HPSE2: variants seen among roughly 807,000 people sequenced by gnomAD.
HPSE2 encodes the protein inactive heparanase-2.
HPSE2 carries 38 observed loss-of-function variants against 60.5 expected under a neutral mutation model. That is an observed-to-expected ratio of 0.63 (90% confidence interval 0.48 to 0.82). HPSE2 has a LOEUF of 0.82. HPSE2 is among the 40% of genes least tolerant of loss of function. The pLI, the probability that HPSE2 is intolerant of heterozygous loss-of-function variation, is 0.00. For synonymous variants in HPSE2, 295 were observed against 293.2 expected (o/e 1.01, Z -0.06); for missense variants, 713 against 740.4 (o/e 0.96, Z 0.43).
chr10:98,490,569 T>C (rs539424290), intron 9 of HPSE2, among the ~76,000 whole-genome samples: 2 of 152,354 alleles, frequency 1.3e-5, no homozygotes, highest in South Asian at 2.1e-4. Flanking sequence ...TAGCGGCTTA[T>C]GATTTCTGTT....
intron 3 of HPSE2, among the ~76,000 whole-genome samples, chr10:98,820,785 G>C (rs1951406476): frequency 6.6e-6 from 1 of 152,112 alleles, no homozygotes; most frequent in Non-Finnish European, 1.5e-5. Context: ...AGCTATATCA[G>C]CCACTACAGC....
intron 9 of HPSE2, among the ~76,000 whole-genome samples, chr10:98,544,458 C>T (rs1241646295): frequency 1.3e-5 from 2 of 152,160 alleles, no homozygotes; most frequent in Non-Finnish European, 2.9e-5. Context: ...CGCCTGTAAT[C>T]CCAGCACTTT....
At chr10:98,794,264 A>G (rs1408164636) in intron 3 of HPSE2, among the ~76,000 whole-genome samples, 2 of 149,510 alleles carry the variant, frequency 1.3e-5, no homozygotes, top group African/African-American at 5.0e-5. Context: ...TTTTTGAGAC[A>G]GAGTCTCACT....
At chr10:98,944,004 A>C (rs376037620) in intron 3 of HPSE2, among the ~76,000 whole-genome samples, 1 of 152,202 alleles carries the variant, frequency 6.6e-6, no homozygotes, top group East Asian at 1.9e-4. Flanking sequence ...ATATCTAATA[A>C]AACAATCATC....
chr10:98,808,600 A>T (rs1951096538), intron 3 of HPSE2, among the ~76,000 whole-genome samples: 1 of 152,186 alleles, frequency 6.6e-6, no homozygotes, highest in African/African-American at 2.4e-5. Flanking sequence ...GAGCCAGAAA[A>T]AAAACAAAGT....
intron 11 of HPSE2, among the ~76,000 whole-genome samples, chr10:98,467,553 T>C (rs1012450228): frequency 1.5e-4 from 23 of 152,076 alleles, no homozygotes; most frequent in African/African-American, 5.6e-4. Flanking sequence ...ACTGTGTGTT[T>C]GTATGGGCCT....
At chr10:98,770,969 C>A (rs7923970) in intron 3 of HPSE2, among the ~76,000 whole-genome samples, 2,111 of 152,102 alleles carry the variant, frequency 0.014, 44 homozygotes, top group African/African-American at 0.048. Flanking sequence ...AAGAATTTAG[C>A]CAGGTAGAGG....
At chr10:98,694,367 A>C (rs921750373) in intron 5 of HPSE2, among the ~76,000 whole-genome samples, 14 of 152,290 alleles carry the variant, frequency 9.2e-5, no homozygotes, top group African/African-American at 3.4e-4. Context: ...CCTTTGAAAA[A>C]CTTCAGGCTT....
At chr10:98,931,426 T>A (rs1352238787) in intron 3 of HPSE2, among the ~76,000 whole-genome samples, 1 of 144,236 alleles carries the variant, frequency 6.9e-6, no homozygotes, top group African/African-American at 2.8e-5. Flanking sequence ...TTGTTCTTTT[T>A]ACTTAGGGTT....
intron 7 of HPSE2, among the ~76,000 whole-genome samples, chr10:98,633,279 G>C (rs903563032): frequency 1.6e-4 from 24 of 152,156 alleles, no homozygotes; most frequent in African/African-American, 5.5e-4. Flanking sequence ...GCTCACTGCA[G>C]CCTCAACCTC....
intron 11 of HPSE2, among the ~76,000 whole-genome samples, chr10:98,475,279 G>A (rs1173485470): frequency 6.6e-6 from 1 of 151,890 alleles, no homozygotes; most frequent in Non-Finnish European, 1.5e-5. Context: ...CACCATGCCC[G>A]GCTAATTTTT....
At chr10:98,802,890 C>T (rs1286780579) in intron 3 of HPSE2, among the ~76,000 whole-genome samples, 10 of 146,356 alleles carry the variant, frequency 6.8e-5, no homozygotes, top group Admixed American at 3.4e-4. Context: ...CCTGAGGAAT[C>T]GCCACACTGA....
At chr10:99,265,144 G>A in the HPSE2 span, among the ~76,000 whole-genome samples, 7 of 152,088 alleles carry the variant, frequency 4.6e-5, no homozygotes, top group Non-Finnish European at 7.3e-5. Context: ...TGTTCCTGCC[G>A]CACCCTAACT....
chr10:99,287,751 A>T, the HPSE2 span, among the ~76,000 whole-genome samples: 5 of 152,278 alleles, frequency 3.3e-5, no homozygotes, highest in Middle Eastern at 3.4e-3. Context: ...TCATATCTCA[A>T]TGTAGAGATG....
intron 3 of HPSE2, among the ~76,000 whole-genome samples, chr10:99,133,164 T>C (rs1192013420): frequency 6.6e-6 from 1 of 152,206 alleles, no homozygotes; most frequent in African/African-American, 2.4e-5. Context: ...CAGCTCAGCA[T>C]GGTTGCTGTG....
chr10:98,457,874 T>C lies in HPSE2; in HGVS notation c.*1700A>G, dbSNP rs1421018963. 6.6e-6 allele frequency: 1 copy of C among 152,554 alleles called. No homozygotes were observed. The highest frequency in any genetic ancestry group is 6.5e-5 in the Admixed American group (1 of 15,286). The allele number at this position is 152,554 out of a possible 1,614,324, so 9.5% of individuals were successfully genotyped here. A position where few individuals can be genotyped will look rare whatever the true frequency, so the allele number is the denominator to read the frequency against. On this transcript the variant is annotated 3_prime_UTR_variant, in exon 12 of 12. Coordinates refer to ENST00000370552, the MANE Select transcript of HPSE2 (RefSeq NM_021828.5). ...TCCATGCTGAGCACAGCCACTGACC[T>C]GGTGCAGCCTGGTCCTCGGGCTCTC...
At chr10:98,653,781 T>C (rs1044690671) in intron 6 of HPSE2, among the ~76,000 whole-genome samples, 1 of 152,110 alleles carries the variant, frequency 6.6e-6, no homozygotes, top group Non-Finnish European at 1.5e-5. Flanking sequence ...TTTACCTTCA[T>C]TTATTCCTTC....
At chr10:98,910,543 T>C (rs1953951185) in intron 3 of HPSE2, among the ~76,000 whole-genome samples, 1 of 152,216 alleles carries the variant, frequency 6.6e-6, no homozygotes, top group South Asian at 2.1e-4. Flanking sequence ...AAATATGTAT[T>C]TTTAAATTCA....
At chr10:98,683,877 G>C (rs1394770383) in intron 6 of HPSE2, among the ~76,000 whole-genome samples, 1 of 151,918 alleles carries the variant, frequency 6.6e-6, no homozygotes, top group Non-Finnish European at 1.5e-5. Flanking sequence ...AGATCACTAG[G>C]AACAGGGAGA....
Sources: gnomAD v4.1 joint callset for allele counts (sites outside exome capture counted in the v4.1 genomes callset) on GRCh38, gnomAD v4.1.1 for gene constraint, MANE v1.5 for transcripts, NCBI Gene and HGNC (gene_info 2026-07-23, HGNC 2026-07-21) for gene names.